Variants in GPR26 observed in about 807,000 individuals in gnomAD.
GPR26 encodes G protein-coupled receptor 26.
A neutral mutation model predicts 23.1 loss-of-function variants in GPR26; 15 were observed. The observed-to-expected ratio is 0.65, with a 90% CI of 0.43 to 1.00. GPR26 has a LOEUF of 1.00. Ranked by LOEUF, GPR26 falls within the 50% of genes least tolerant of loss-of-function variation. The probability of loss-of-function intolerance (pLI) is 0.00; values close to 1 mark genes in which losing one functional copy is unlikely to be tolerated. For missense variants in GPR26, 359 were observed against 470.5 expected, an observed-to-expected ratio of 0.76 and a Z score of 2.19; for synonymous variants, 228 against 222.1, an observed-to-expected ratio of 1.03 and a Z score of -0.24.
Position 123,666,909 on chromosome 10 carries a change from C to T in GPR26, c.502C>T (p.Arg168Cys). ...CAGCCGGCGGCCAGACGAGCGCCTGCGCTTCGCCGTCTTCACTGGCGCCTT... is the reference window on the plus strand; with the variant it reads ...CAGCCGGCGGCCAGACGAGCGCCTGTGCTTCGCCGTCTTCACTGGCGCCTT... ...LCSRRPDERL[R>C]FAVFTGAFHA... Residue 168 changes from arginine (R) to cysteine (C), a missense_variant, in exon 1 of 3, where the codon CGC becomes TGC. By Grantham distance (180) the Arg-to-Cys change is radical. Coordinates refer to ENST00000284674, the MANE Select transcript of GPR26 (RefSeq NM_153442.4). The T allele has an allele frequency of 2.5e-6, 4 of 1,612,978 alleles. No individual in the cohort carries two copies. Among genetic ancestry groups the T allele is most frequent in the Non-Finnish European group, 3.4e-6 (4 of 1,179,750 alleles).
intron 2 of GPR26, among the ~76,000 whole-genome samples, chr10:123,678,031 G>A (rs1003567204): frequency 3.9e-5 from 6 of 152,168 alleles, no homozygotes; most frequent in Non-Finnish European, 8.8e-5. Context: ...GATTACTTGA[G>A]GCCAGGGGTT....
chr10:123,666,775 C>G lies in GPR26; in HGVS notation c.368C>G (p.Ala123Gly). The change falls in exon 1 of 3, where the codon GCG becomes GGG. Residue 123 changes from alanine to glycine, a missense_variant. Coordinates refer to ENST00000284674, the MANE Select transcript of GPR26 (RefSeq NM_153442.4). ...SYRAKMRLRD[A>G]ALMVAYTWLH... The stretch of plus-strand genomic sequence containing the variant: ...CGGGCCAAGATGCGCCTCCGCGACG[C>G]GGCGCTCATGGTGGCCTACACGTGG... 1 of 1,603,888 alleles carries G rather than the reference C, an allele frequency of 6.2e-7. No individual in the cohort carries two copies. Among genetic ancestry groups the G allele is most frequent in the Middle Eastern group, 1.7e-4 (1 of 6,036 alleles).
intron 2 of GPR26, among the ~76,000 whole-genome samples, chr10:123,686,501 G>T (rs894717607): frequency 6.6e-6 from 1 of 152,198 alleles, no homozygotes. Flanking sequence ...GCTAACTAGA[G>T]GGTCCTCAGA....
rs777237564 is a variant in GPR26, at chr10:123,666,391, G to C, written c.-17G>C. ...CGCCGGGTTGCGGACCCTGAGCGCC[G>C]GCGCGGGGCGCGCACCATGAACTCG... On this transcript the variant is annotated 5_prime_UTR_variant, in exon 1 of 3. Coordinates refer to ENST00000284674, the MANE Select transcript of GPR26 (RefSeq NM_153442.4). 1.5e-5 allele frequency: 21 copies of C among 1,366,868 alleles called. No homozygotes were observed. In the Middle Eastern group the frequency reaches 1.0e-3, roughly 67 times the overall value. The allele number at this position is 1,366,868 out of a possible 1,614,324, so 84.7% of individuals were successfully genotyped here. A position where few individuals can be genotyped will look rare whatever the true frequency, so the allele number is the denominator to read the frequency against.
chr10:123,668,966 C>T (rs1845220564), intron 1 of GPR26, among the ~76,000 whole-genome samples: 1 of 152,210 alleles, frequency 6.6e-6, no homozygotes, highest in Non-Finnish European at 1.5e-5. Flanking sequence ...TCCCTCTGGC[C>T]GATGTCAGGC....
chr10:123,690,765 C>G lies in GPR26; in HGVS notation c.*2605C>G, dbSNP rs942687789. 3.3e-5 allele frequency: 5 copies of G among 152,198 alleles called. No homozygotes were observed. The highest frequency in any genetic ancestry group is 3.3e-4 in the Admixed American group (5 of 15,278). 9.4% of individuals were successfully genotyped at this position (152,198 alleles called of 1,614,324 possible). ...ATGTTTATTTTCATCTCTATACAGT[C>G]TATCAAATTTGCCCCCTGGCTTTAT... On this transcript the variant is annotated 3_prime_UTR_variant, in exon 3 of 3. Coordinates refer to ENST00000284674, the MANE Select transcript of GPR26 (RefSeq NM_153442.4).
intron 2 of GPR26, among the ~76,000 whole-genome samples, chr10:123,675,406 C>T (rs1480778276): frequency 6.6e-6 from 1 of 152,186 alleles, no homozygotes; most frequent in African/African-American, 2.4e-5. Flanking sequence ...AGGTAGCATG[C>T]TCTGTGTCCA....
chr10:123,666,690 C>A lies in GPR26; in HGVS notation c.283C>A (p.Leu95Ile). The A allele has an allele frequency of 6.3e-7, 1 of 1,599,664 alleles. No individual in the cohort carries two copies. The highest frequency in any genetic ancestry group is 2.2e-5 in the East Asian group (1 of 44,698). The change falls in exon 1 of 3, where the codon CTC becomes ATC. Residue 95 changes from leucine (L) to isoleucine (I), a missense_variant. Physicochemically the swap from Leu to Ile is conservative, Grantham distance 5 (BLOSUM62 2). Transcript: ENST00000284674. ...LDTFLAANSM[L>I]SMAALSIDRW... ...CACCTTCCTGGCTGCCAACTCCATG[C>A]TCAGCATGGCCGCGCTCAGCATCGA...
rs1405378457 is a variant in GPR26, at chr10:123,690,529, A to G, written c.*2369A>G. On this transcript the variant is annotated 3_prime_UTR_variant, in exon 3 of 3. Transcript: ENST00000284674. ...CAAGATCTGTCACCCACAACACCAC[A>G]TATCTTGAAAAGATGCTTTTCATAA... The G allele has an allele frequency of 2.6e-5, 4 of 152,188 alleles. No homozygotes were observed. The East Asian group carries it at 5.8e-4, about 22-fold the overall frequency. The allele number at this position is 152,188 out of a possible 1,614,324, so 9.4% of individuals were successfully genotyped here.
intron 2 of GPR26, among the ~76,000 whole-genome samples, chr10:123,678,214 G>A (rs553327379): frequency 2.6e-5 from 4 of 152,104 alleles, no homozygotes; most frequent in South Asian, 2.1e-4. Flanking sequence ...GGTGACACCC[G>A]TGCCTGCCTT....
At chr10:123,673,551 C>T (rs1012796088) in intron 1 of GPR26, among the ~76,000 whole-genome samples, 4 of 152,196 alleles carry the variant, frequency 2.6e-5, no homozygotes, top group African/African-American at 4.8e-5. Flanking sequence ...AACAGGGTTA[C>T]AGTTGGAGGC....
intron 1 of GPR26, 59 bp downstream of exon 1, chr10:123,667,134 G>C: frequency 2.3e-6 from 3 of 1,277,088 alleles, no homozygotes; most frequent in Non-Finnish European, 3.2e-6. Context: ...GCGGGAGTGG[G>C]AGGTCCCTAG....
rs1845501751 is a variant in GPR26, at chr10:123,692,688, G to A, written c.*4528G>A. ...GAAAGTTGTTTGAGATCAGGGTTTAGGGGTAGTGTTTCCCATTAATCTTCA... is the reference window on the plus strand; with the variant it reads ...GAAAGTTGTTTGAGATCAGGGTTTAAGGGTAGTGTTTCCCATTAATCTTCA... On this transcript the variant is annotated 3_prime_UTR_variant, in exon 3 of 3. Coordinates refer to ENST00000284674, the MANE Select transcript of GPR26 (RefSeq NM_153442.4). 6.6e-6 allele frequency: 1 copy of A among 152,202 alleles called. No individual in the cohort carries two copies. The highest frequency in any genetic ancestry group is 2.4e-5 in the African/African-American group (1 of 41,438). 9.4% of individuals were successfully genotyped at this position (152,202 alleles called of 1,614,324 possible).
intron 2 of GPR26, among the ~76,000 whole-genome samples, chr10:123,684,208 G>T (rs145866281): frequency 2.0e-5 from 3 of 152,298 alleles, no homozygotes; most frequent in African/African-American, 7.2e-5. Flanking sequence ...TGGAAGGTCT[G>T]GGCAGGTGGC....
rs1564735390 is a variant in GPR26 at position 123,694,047 on chromosome 10, ACACCTACTGTGTGC to A, written c.*5890_*5903del. ...CTGTCACTCTCCAAACATTTACTGA[ACACCTACTGTGTGC>A]CAGGCCCTGTGCTTTGTCAGGCTCT... On this transcript the variant is annotated 3_prime_UTR_variant, in exon 3 of 3. Transcript: ENST00000284674. 1 of 152,398 alleles carries A rather than the reference ACACCTACTGTGTGC, an allele frequency of 6.6e-6. No individual in the cohort carries two copies. Among genetic ancestry groups the A allele is most frequent in the African/African-American group, 2.4e-5 (1 of 41,418 alleles). 9.4% of individuals were successfully genotyped at this position (152,398 alleles called of 1,614,324 possible). A position where few individuals can be genotyped will look rare whatever the true frequency, so the allele number is the denominator to read the frequency against.
In GPR26 at chr10:123,696,867, T is replaced by C. The variant is rs577990831; in HGVS notation, c.*8707T>C. Among the ~76,000 whole-genome samples the C allele has an allele frequency of 2.1e-5, 3 of 144,834 alleles. No homozygotes were observed. The South Asian group carries it at 6.2e-4, about 30-fold the overall frequency. ...TGAGCATATGCATATGGGTGAATGTTTGTGTGCCCATGAGTATATGCATAC... is the reference window on the plus strand; with the variant it reads ...TGAGCATATGCATATGGGTGAATGTCTGTGTGCCCATGAGTATATGCATAC... On this transcript the variant is annotated 3_prime_UTR_variant, in exon 3 of 3. Coordinates refer to ENST00000284674, the MANE Select transcript of GPR26 (RefSeq NM_153442.4).
rs1845453279 is a variant in GPR26, at chr10:123,688,306, G to A, written c.*146G>A. 2 of 625,918 alleles carry A rather than the reference G, an allele frequency of 3.2e-6. No homozygotes were observed. Among genetic ancestry groups the A allele is most frequent in the Admixed American group, 2.6e-5 (1 of 37,740 alleles). The allele number at this position is 625,918 out of a possible 1,614,324, so 38.8% of individuals were successfully genotyped here. A position where few individuals can be genotyped will look rare whatever the true frequency, so the allele number is the denominator to read the frequency against. ...GGTTCCCTGGCTTGTAGGGGCTCCA[G>A]AGCCTGCTTCCTGGTTCCTCAAGGG... On this transcript the variant is annotated 3_prime_UTR_variant, in exon 3 of 3. Transcript: ENST00000284674.
chr10:123,695,370 G>A lies in GPR26; in HGVS notation c.*7210G>A, dbSNP rs1845532544. 1.3e-5 allele frequency among the ~76,000 whole-genome samples: 2 copies of A among 152,152 alleles called. No homozygotes were observed. Among genetic ancestry groups the A allele is most frequent in the African/African-American group, 4.8e-5 (2 of 41,396 alleles). ...CATGTCACTGTTGTACTCATTCCCT[G>A]GCACGGAAGAATTGTTGCACATCTT... On this transcript the variant is annotated 3_prime_UTR_variant, in exon 3 of 3. Transcript: ENST00000284674.
chr10:123,667,543 G>A (rs1042578851), intron 1 of GPR26, among the ~76,000 whole-genome samples: 5 of 147,394 alleles, frequency 3.4e-5, no homozygotes, highest in African/African-American at 1.3e-4. Context: ...GGTGTGTGGC[G>A]CTGCCTCTGT....
Sources: gnomAD v4.1 joint callset for allele counts (sites outside exome capture counted in the v4.1 genomes callset) on GRCh38, gnomAD v4.1.1 for gene constraint, MANE v1.5 for transcripts, NCBI Gene and HGNC (gene_info 2026-07-23, HGNC 2026-07-21) for gene names.